The following LIN54 variants were observed in gnomAD, a reference collection of about 807,000 sequenced individuals.
LIN54 encodes lin-54 DREAM MuvB core complex component, also known as protein lin-54 homolog.
LIN54 carries 9 observed loss-of-function variants against 78.7 expected under a neutral mutation model. The observed-to-expected ratio is 0.11, with a 90% CI of 0.07 to 0.20. The LOEUF (loss-of-function observed/expected upper bound fraction) is 0.20, where lower values mean the gene tolerates loss of function less well. LIN54 is among the 10% of genes least tolerant of loss of function. The probability of loss-of-function intolerance (pLI) is 1.00; values close to 1 mark genes in which losing one functional copy is unlikely to be tolerated. For missense variants in LIN54, 573 were observed against 889.9 expected, an observed-to-expected ratio of 0.64 and a Z score of 4.53; for synonymous variants, 269 against 318.4, an observed-to-expected ratio of 0.84 and a Z score of 1.65.
At chr4:83,009,618 T>C (rs1048316533) in intron 1 of LIN54, among the ~76,000 whole-genome samples, 3 of 152,222 alleles carry the variant, frequency 2.0e-5, no homozygotes, top group Non-Finnish European at 4.4e-5. Flanking sequence ...GTGGCTGTTA[T>C]AGTCAATCAA....
chr4:82,955,759 CA>C (rs59841779), intron 4 of LIN54, among the ~76,000 whole-genome samples: 1 of 146,704 alleles, frequency 6.8e-6, no homozygotes, highest in Non-Finnish European at 1.5e-5. Context: ...TATCTCATTA[CA>C]AAAAAAAAAA....
chr4:83,007,153 A>C (rs1172700331), intron 1 of LIN54, among the ~76,000 whole-genome samples: 1 of 152,084 alleles, frequency 6.6e-6, no homozygotes, highest in Non-Finnish European at 1.5e-5. Context: ...AAACAAATAA[A>C]TACATAAAAA....
At chr4:83,004,605 T>TCATGGCTCACTG (rs1219281256) in intron 1 of LIN54, among the ~76,000 whole-genome samples, 5 of 143,726 alleles carry the variant, frequency 3.5e-5, no homozygotes, top group South Asian at 2.2e-4. Context: ...TCCTCCCACC[T>TCATGGCTCACTG]CAGCCTCCCG....
chr4:82,998,050 A>ATG (rs1728387879), intron 1 of LIN54, among the ~76,000 whole-genome samples: 1 of 135,814 alleles, frequency 7.4e-6, no homozygotes, highest in Non-Finnish European at 1.6e-5. Flanking sequence ...ACACACGTAT[A>ATG]TATATATATA....
At chr4:82,994,768 TAG>T (rs1216622365) in intron 1 of LIN54, among the ~76,000 whole-genome samples, 7 of 152,012 alleles carry the variant, frequency 4.6e-5, no homozygotes, top group African/African-American at 9.7e-5. Flanking sequence ...AGCTGGTTGA[TAG>T]AGTTATTCAG....
At chr4:82,982,898 C>G (rs1346345388) in intron 2 of LIN54, among the ~76,000 whole-genome samples, 1 of 152,074 alleles carries the variant, frequency 6.6e-6, no homozygotes, top group African/African-American at 2.4e-5. Flanking sequence ...CAAAACCTTC[C>G]TACTTCCTTC....
rs1729707372 is a variant in LIN54 at position 83,009,839 on chromosome 4, CA to C, written c.-33+644del. 2.0e-5 allele frequency among the ~76,000 whole-genome samples: 3 copies of C among 152,188 alleles called. No homozygotes were observed. In the South Asian group the frequency reaches 6.2e-4, roughly 31 times the overall value. Reference sequence around the variant, plus strand: ...TATTTCATTTGCATTATAAAATCTACAGCAAAATTTTTCATAACTTTACTCT... The same window carrying C: ...TATTTCATTTGCATTATAAAATCTACGCAAAATTTTTCATAACTTTACTCT... On this transcript the variant is annotated intron_variant, in intron 1 of 12. Coordinates refer to ENST00000340417, the MANE Select transcript of LIN54 (RefSeq NM_194282.4).
At chr4:82,943,103 C>T (rs901290278) in intron 5 of LIN54, among the ~76,000 whole-genome samples, 2 of 152,130 alleles carry the variant, frequency 1.3e-5, no homozygotes, top group East Asian at 1.9e-4. Flanking sequence ...CTTACCTTAG[C>T]GCACATTACT....
At chr4:82,991,572 G>T (rs1384143740) in intron 1 of LIN54, among the ~76,000 whole-genome samples, 2 of 152,100 alleles carry the variant, frequency 1.3e-5, no homozygotes. Context: ...GACTAAAAGT[G>T]GTGACAGCAG....
intron 1 of LIN54, among the ~76,000 whole-genome samples, chr4:82,988,388 T>C (rs968556142): frequency 2.0e-5 from 3 of 152,254 alleles, no homozygotes; most frequent in African/African-American, 7.2e-5. Context: ...AATATTCCAT[T>C]GTACAAATTG....
Position 82,946,356 on chromosome 4 carries a change from T to C in LIN54, c.1070A>G (p.Lys357Arg), listed in dbSNP as rs772198668. ...NVQQIQVPGS[K>R]FHYVRLVTAT... ...AGTAACAAGTCGGACATAATGAAAC[T>C]TGCTTCCAGGCACTTGAATCTGCTG... The change falls in exon 5 of 13, where the codon AAG becomes AGG. Residue 357 changes from lysine to arginine, a missense_variant. Coordinates refer to ENST00000340417, the MANE Select transcript of LIN54 (RefSeq NM_194282.4). 6.2e-7 allele frequency: 1 copy of C among 1,614,148 alleles called. No individual in the cohort carries two copies.
chr4:82,939,989 A>G, intron 5 of LIN54, 27 bp from the exon 6 acceptor site: 8 of 1,508,536 alleles, frequency 5.3e-6, no homozygotes, highest in Non-Finnish European at 6.3e-6. Flanking sequence ...AGAAGGATGA[A>G]CAAGTTATTT....
intron 3 of LIN54, among the ~76,000 whole-genome samples, chr4:82,973,691 CTAT>C (rs1725872602): frequency 6.6e-6 from 1 of 152,180 alleles, no homozygotes; most frequent in Non-Finnish European, 1.5e-5. Flanking sequence ...ATGAGAACCT[CTAT>C]TATCTCATGT....
intron 2 of LIN54, 124 bp downstream of exon 2, chr4:82,984,037 T>C: frequency 1.4e-6 from 1 of 695,280 alleles, no homozygotes; most frequent in Non-Finnish European, 2.3e-6. Flanking sequence ...CACAATTACA[T>C]AAAACAACAT....
chr4:82,997,226 C>A (rs554713659), intron 1 of LIN54, among the ~76,000 whole-genome samples: 1 of 152,022 alleles, frequency 6.6e-6, no homozygotes, highest in Non-Finnish European at 1.5e-5. Flanking sequence ...TTGAAAATAA[C>A]TTTTGTCAAT....
intron 4 of LIN54, among the ~76,000 whole-genome samples, chr4:82,956,297 T>C (rs1724325740): frequency 6.6e-6 from 1 of 152,008 alleles, no homozygotes; most frequent in African/African-American, 2.4e-5. Flanking sequence ...TTTTTATTTT[T>C]TGAGACTTAG....
chr4:82,979,939 CAAA>C lies in LIN54; in HGVS notation c.685-936_685-934del, dbSNP rs70943176. On this transcript the variant is annotated intron_variant, in intron 2 of 12. Transcript: ENST00000340417. ...TGACAGAGTGAGTGAGACTCTGTCTCAAAAAAAAAAAAAAAAAAAAAAAAAAAT... is the reference window on the plus strand; with the variant it reads ...TGACAGAGTGAGTGAGACTCTGTCTCAAAAAAAAAAAAAAAAAAAAAAAAT... Among the ~76,000 whole-genome samples, 25 of 49,852 alleles carry C rather than the reference CAAA, an allele frequency of 5.0e-4. No individual in the cohort carries two copies. The East Asian group carries it at 5.8e-3, about 12-fold the overall frequency. The allele number at this position is 49,852 out of a possible 152,430, so 32.7% of individuals were successfully genotyped here.
At position 82,932,781 on chromosome 4, in the gene LIN54, C is replaced by T. The variant is rs548409814; in HGVS notation, c.1846-1636G>A. On this transcript the variant is annotated intron_variant, in intron 11 of 12. Transcript: ENST00000340417. ...CGGAGGTTGCAGTGAGCCGCGATCACGCGATTGCACTCCAGCCTAGGCAAT... is the reference window on the plus strand; with the variant it reads ...CGGAGGTTGCAGTGAGCCGCGATCATGCGATTGCACTCCAGCCTAGGCAAT... Among the ~76,000 whole-genome samples, 8 of 152,052 alleles carry T rather than the reference C, an allele frequency of 5.3e-5. 1 individual carries two copies. The highest frequency in any genetic ancestry group is 1.7e-4 in the African/African-American group (7 of 41,480).
In LIN54 at chr4:82,928,699, T is replaced by C. The variant is rs540866026; in HGVS notation, c.2049-396A>G. 1.8e-4 allele frequency among the ~76,000 whole-genome samples: 28 copies of C among 152,340 alleles called. 1 individual carries two copies. The South Asian group carries it at 5.8e-3, about 32-fold the overall frequency. On this transcript the variant is annotated intron_variant, in intron 12 of 12. Transcript: ENST00000340417. ...CCAGTGCCTAGAATAGTGCATGACA[T>C]AGAGACGCTACATGAATAGTTGCTG...
Sources: allele counts gnomAD v4.1 joint callset (sites outside exome capture counted in the v4.1 genomes callset), GRCh38; gene constraint gnomAD v4.1.1; transcripts MANE v1.5; gene names NCBI Gene and HGNC (gene_info 2026-07-23, HGNC 2026-07-21).